The following CYP19A1 variants were observed in gnomAD, a reference collection of about 807,000 sequenced individuals.
The protein encoded by CYP19A1 is aromatase.
Under a neutral mutation model 44.4 loss-of-function variants are expected in CYP19A1, and 32 were observed. That is an observed-to-expected ratio of 0.72 (90% CI 0.54 to 0.97). The LOEUF is 0.97. Ranked by LOEUF, CYP19A1 falls within the 50% of genes least tolerant of loss-of-function variation. CYP19A1 has a pLI of 0.00. For missense variants in CYP19A1, 598 were observed against 637.8 expected, an observed-to-expected ratio of 0.94 and a Z score of 0.67; for synonymous variants, 212 against 215.6, an observed-to-expected ratio of 0.98 and a Z score of 0.14.
intron 1 of CYP19A1, among the ~76,000 whole-genome samples, chr15:51,285,719 C>A (rs908828903): frequency 2.6e-5 from 4 of 152,210 alleles, no homozygotes; most frequent in African/African-American, 9.6e-5. Flanking sequence ...AGATCATGCA[C>A]TTGCCCTTTC....
At chr15:51,229,313 C>T (rs1275467881) in intron 3 of CYP19A1, among the ~76,000 whole-genome samples, 1 of 150,860 alleles carries the variant, frequency 6.6e-6, no homozygotes, top group Admixed American at 6.6e-5. Flanking sequence ...TAGCTCGAGC[C>T]CTGGAGGTTG....
intron 1 of CYP19A1, among the ~76,000 whole-genome samples, chr15:51,304,890 CTTTTTTTTT>C (rs545247348): frequency 9.6e-6 from 1 of 104,578 alleles, no homozygotes; most frequent in Non-Finnish European, 1.8e-5. Context: ...GTGTCTCTTC[CTTTTTTTTT>C]TTTTTTTTTT....
At chr15:51,246,437 G>A (rs1287132751) in intron 1 of CYP19A1, among the ~76,000 whole-genome samples, 2 of 152,302 alleles carry the variant, frequency 1.3e-5, no homozygotes, top group South Asian at 2.1e-4. Flanking sequence ...CACCAAGCAG[G>A]GACTCTGGCC....
intron 1 of CYP19A1, chr15:51,312,343 T>G (rs545970471): frequency 2.6e-5 from 4 of 152,260 alleles, no homozygotes; most frequent in South Asian, 2.1e-4. Context: ...CACCCATATA[T>G]GTAAACACAT....
intron 1 of CYP19A1, among the ~76,000 whole-genome samples, chr15:51,269,132 G>T (rs2035033745): frequency 6.6e-6 from 1 of 151,962 alleles, no homozygotes; most frequent in South Asian, 2.1e-4. Flanking sequence ...CTTTTCTTCT[G>T]TAAGTGTAAT....
At chr15:51,255,083 T>C (rs1231298047) in intron 1 of CYP19A1, among the ~76,000 whole-genome samples, 8 of 151,986 alleles carry the variant, frequency 5.3e-5, no homozygotes, top group Non-Finnish European at 7.4e-5. Context: ...GGTGAGTGAG[T>C]GTTTGCCAGG....
chr15:51,302,374 C>A (rs1047825340), intron 1 of CYP19A1, among the ~76,000 whole-genome samples: 3 of 152,230 alleles, frequency 2.0e-5, no homozygotes, highest in African/African-American at 4.8e-5. Context: ...ATTGGCTCCA[C>A]CTGCGAATCA....
chr15:51,299,782 TAA>T (rs1335198355), intron 1 of CYP19A1, among the ~76,000 whole-genome samples: 2 of 152,206 alleles, frequency 1.3e-5, no homozygotes, highest in Non-Finnish European at 2.9e-5. Flanking sequence ...GCAGGGGAGA[TAA>T]GACCTTTGCT....
intron 1 of CYP19A1, among the ~76,000 whole-genome samples, chr15:51,327,411 G>A (rs1270747373): frequency 6.6e-6 from 1 of 151,994 alleles, no homozygotes; most frequent in East Asian, 1.9e-4. Flanking sequence ...AATGAGTAGA[G>A]CCATCTAATG....
At chr15:51,280,987 C>A (rs1004149208) in intron 1 of CYP19A1, among the ~76,000 whole-genome samples, 1 of 152,212 alleles carries the variant, frequency 6.6e-6, no homozygotes, top group Non-Finnish European at 1.5e-5. Context: ...TTGACTGCCA[C>A]TGCAGGCCCA....
At chr15:51,308,300 A>T (rs1427786379) in intron 1 of CYP19A1, among the ~76,000 whole-genome samples, 1 of 152,166 alleles carries the variant, frequency 6.6e-6, no homozygotes, top group Non-Finnish European at 1.5e-5. Flanking sequence ...GCTGCCTCTG[A>T]TCCCCACCAA....
At chr15:51,278,493 C>T (rs1190490303) in intron 1 of CYP19A1, among the ~76,000 whole-genome samples, 2 of 152,180 alleles carry the variant, frequency 1.3e-5, no homozygotes, top group Non-Finnish European at 2.9e-5. Flanking sequence ...ATACCTGTCC[C>T]AGGAAAACTT....
At chr15:51,315,667 C>T (rs1267344832) in intron 1 of CYP19A1, among the ~76,000 whole-genome samples, 1 of 152,184 alleles carries the variant, frequency 6.6e-6, no homozygotes, top group Non-Finnish European at 1.5e-5. Flanking sequence ...TACATCCAGG[C>T]CCTCAAGGGC....
At chr15:51,232,531 T>C (rs2033108913) in intron 3 of CYP19A1, among the ~76,000 whole-genome samples, 1 of 152,172 alleles carries the variant, frequency 6.6e-6, no homozygotes, top group African/African-American at 2.4e-5. Flanking sequence ...ATGTCAAATC[T>C]AACATGTCTG....
chr15:51,307,188 G>T (rs2036231363), intron 1 of CYP19A1, among the ~76,000 whole-genome samples: 1 of 152,182 alleles, frequency 6.6e-6, no homozygotes, highest in Admixed American at 6.5e-5. Flanking sequence ...GTTTTGTTTG[G>T]ATTGGTGGCA....
At position 51,242,839 on chromosome 15, in the gene CYP19A1, G is replaced by T. The variant is rs1406401071; in HGVS notation, c.74C>A (p.Thr25Asn). ...SIVPEAMPAA[T>N]MPVLLLTGLF... ...GCCAGTGAGGAGCAGGACTGGCATG[G>T]TGGCAGCAGGCATGGCTTCAGGCAC... The change falls in exon 2 of 10, where the codon ACC becomes AAC. Residue 25 changes from threonine (T) to asparagine (N), a missense_variant. Transcript: ENST00000396402. 3 of 1,590,590 alleles carry T rather than the reference G, an allele frequency of 1.9e-6. No individual in the cohort carries two copies. The highest frequency in any genetic ancestry group is 2.6e-6 in the Non-Finnish European group (3 of 1,158,698).
At chr15:51,279,036 G>A (rs1328766822) in intron 1 of CYP19A1, 3 of 152,158 alleles carry the variant, frequency 2.0e-5, no homozygotes, top group African/African-American at 4.8e-5. Context: ...AGCTGGATGC[G>A]AGCCTCCACT....
chr15:51,262,301 A>G (rs1437538866), intron 1 of CYP19A1, among the ~76,000 whole-genome samples: 2 of 152,146 alleles, frequency 1.3e-5, no homozygotes, highest in African/African-American at 4.8e-5. Context: ...ATATGTGGGT[A>G]AATCTCTGTT....
chr15:51,302,348 G>T (rs1025187920), intron 1 of CYP19A1, among the ~76,000 whole-genome samples: 5 of 152,218 alleles, frequency 3.3e-5, no homozygotes, highest in African/African-American at 1.2e-4. Context: ...GCCTTGCCTA[G>T]TCCCAAAGGT....
Sources: gnomAD v4.1 joint callset for allele counts (sites outside exome capture counted in the v4.1 genomes callset) on GRCh38, gnomAD v4.1.1 for gene constraint, MANE v1.5 for transcripts, NCBI Gene and HGNC (gene_info 2026-07-23, HGNC 2026-07-21) for gene names.